Variants in PLCXD1 observed in about 807,000 individuals in gnomAD.
PLCXD1 encodes the protein PI-PLC X domain-containing protein 1.
PLCXD1 carries 45 observed loss-of-function variants against 37.8 expected under a neutral mutation model. The ratio of observed to expected loss-of-function variants is 1.19; its 90% CI spans 0.94 to 1.53. PLCXD1 has a LOEUF of 1.53. Ranked by LOEUF, PLCXD1 falls within the 40% of genes most tolerant of loss-of-function variation. The probability of loss-of-function intolerance (pLI) is 0.00; values close to 1 mark genes in which losing one functional copy is unlikely to be tolerated. For synonymous variants in PLCXD1, 246 were observed against 206.9 expected, an observed-to-expected ratio of 1.19 and a Z score of -1.62; for missense variants, 539 against 454.7, an observed-to-expected ratio of 1.19 and a Z score of -1.69.
At chrX:289,948 CTAA>C (rs1205404280) in intron 3 of PLCXD1, among the ~76,000 whole-genome samples, 3 of 152,128 alleles carry the variant, frequency 2.0e-5, no homozygotes, top group Non-Finnish European at 4.4e-5. Flanking sequence ...CCCTTTCTCC[CTAA>C]TAATCACATT....
intron 3 of PLCXD1, among the ~76,000 whole-genome samples, 157 bp from the exon 4 acceptor site, chrX:290,491 G>T (rs2069595341): frequency 6.6e-6 from 1 of 151,426 alleles, no homozygotes; most frequent in African/African-American, 2.4e-5. Context: ...GGTCCCCGTG[G>T]CTGCAGCGCT....
At chrX:294,942 G>A (rs184320662) in intron 6 of PLCXD1, among the ~76,000 whole-genome samples, 17 of 152,272 alleles carry the variant, frequency 1.1e-4, no homozygotes, top group East Asian at 9.7e-4. Context: ...TTGGGAGGCC[G>A]AGGCAGGTGG....
At position 299,325 on chromosome X, in the gene PLCXD1, T is replaced by C; in HGVS notation, c.962T>C (p.Leu321Pro). The C allele has an allele frequency of 6.2e-7, 1 of 1,612,086 alleles. No homozygotes were observed. The highest frequency in any genetic ancestry group is 8.5e-7 in the Non-Finnish European group (1 of 1,178,214). Residue 321 changes from leucine (L) to proline (P), a missense_variant, in exon 7 of 7, where the codon CTG becomes CCG. Coordinates refer to ENST00000381657, the MANE Select transcript of PLCXD1 (RefSeq NM_018390.4). ...GTCATCGCGCTCAATCAGAAGCTGC[T>C]GTGGTGCTGACGGGACCCTTCTGAA... ...SDVIALNQKL[L>P]WC is the part of the protein sequence containing the mutation.
intron 1 of PLCXD1, among the ~76,000 whole-genome samples, chrX:282,933 G>GTTATATATATA (rs1262888610): frequency 9.7e-4 from 115 of 119,006 alleles, no homozygotes; most frequent in Non-Finnish European, 1.6e-3. Flanking sequence ...ATACATGTAT[G>GTTATATATATA]TTATATATAT....
intron 6 of PLCXD1, among the ~76,000 whole-genome samples, chrX:295,430 G>C (rs1026617900): frequency 1.1e-4 from 16 of 152,142 alleles, no homozygotes; most frequent in African/African-American, 3.9e-4. Flanking sequence ...CACAGGGGCA[G>C]CATGAAACCC....
At chrX:284,543 C>G (rs1248399358) in intron 2 of PLCXD1, among the ~76,000 whole-genome samples, 1 of 151,960 alleles carries the variant, frequency 6.6e-6, no homozygotes, top group Admixed American at 6.6e-5. Flanking sequence ...CATGCATACA[C>G]ACAGGCATGC....
At chrX:283,019 ATG>A (rs1017898829) in intron 1 of PLCXD1, 1 of 146,426 alleles carries the variant, frequency 6.8e-6, no homozygotes, top group Non-Finnish European at 1.5e-5. Context: ...TGTTATATAT[ATG>A]TTATGTATAT....
chrX:300,335 C>A lies in PLCXD1; in HGVS notation c.*1000C>A, dbSNP rs1485533947. ...GCCGGCCTCCCCTGTCAGCCAACCC[C>A]TCAGCTAGTTCTCACACCAAGCCTA... On this transcript the variant is annotated 3_prime_UTR_variant, in exon 7 of 7. Coordinates refer to ENST00000381657, the MANE Select transcript of PLCXD1 (RefSeq NM_018390.4). 6.6e-6 allele frequency: 1 copy of A among 152,130 alleles called. No homozygotes were observed. The allele number at this position is 152,130 out of a possible 1,614,324, so 9.4% of individuals were successfully genotyped here. A position where few individuals can be genotyped will look rare whatever the true frequency, so the allele number is the denominator to read the frequency against.
At position 302,896 on chromosome X, in the gene PLCXD1, G is replaced by C. The variant is rs1027892613; in HGVS notation, c.*3561G>C. On this transcript the variant is annotated 3_prime_UTR_variant, in exon 7 of 7. Transcript: ENST00000381657. ...GCCTATACCTCATTTTCTACATGTC[G>C]CTTGTTGGAGCTGCTGGTTCAAGTT... 8 of 152,202 alleles carry C rather than the reference G, an allele frequency of 5.3e-5. No homozygotes were observed. Among genetic ancestry groups the C allele is most frequent in the African/African-American group, 1.9e-4 (8 of 41,540 alleles). 9.4% of individuals were successfully genotyped at this position (152,202 alleles called of 1,614,324 possible). A position where few individuals can be genotyped will look rare whatever the true frequency, so the allele number is the denominator to read the frequency against.
chrX:281,338 G>A, upstream of PLCXD1: 1 of 157,608 alleles, frequency 6.3e-6, no homozygotes, highest in East Asian at 1.9e-4. Flanking sequence ...CCTGGGCCCA[G>A]CAGGCTCCCG....
chrX:296,785 C>T (rs2069822657), intron 6 of PLCXD1, among the ~76,000 whole-genome samples: 1 of 152,200 alleles, frequency 6.6e-6, no homozygotes, highest in African/African-American at 2.4e-5. Context: ...ATTCTGTCTC[C>T]CACATGGGAT....
intron 3 of PLCXD1, among the ~76,000 whole-genome samples, chrX:290,136 T>A (rs1243832391): frequency 6.6e-6 from 1 of 152,034 alleles, no homozygotes; most frequent in Non-Finnish European, 1.5e-5. Flanking sequence ...TTTTTAAAAT[T>A]TTTAGTAGAG....
Position 290,771 on chromosome X carries a change from G to T in PLCXD1, c.388G>T (p.Val130Leu), listed in dbSNP as rs1451010409. 2 of 1,613,196 alleles carry T rather than the reference G, an allele frequency of 1.2e-6. No individual in the cohort carries two copies. The highest frequency in any genetic ancestry group is 2.7e-5 in the African/African-American group (2 of 74,884). The change falls in exon 4 of 7, where the codon GTG becomes TTG. Residue 130 changes from valine (V) to leucine (L), a missense_variant. By Grantham distance (32) the Val-to-Leu change is conservative (BLOSUM62 1). Coordinates refer to ENST00000381657, the MANE Select transcript of PLCXD1 (RefSeq NM_018390.4). The stretch of plus-strand genomic sequence containing the variant: ...CCATATGGTGTACACAACGGCGCTG[G>T]TGGAGGTGCGGCCGGGCTGAGGTGG... ...FVHMVYTTAL[V>L]EDTLTEISEW...
At chrX:290,062 A>T in intron 3 of PLCXD1, among the ~76,000 whole-genome samples, 1 of 151,922 alleles carries the variant, frequency 6.6e-6, no homozygotes, top group South Asian at 2.1e-4. Context: ...GGATCAAAGG[A>T]TCCTCCTTCC....
rs750282855 is a variant in PLCXD1 at position 292,191 on chromosome X, C to G, written c.549+537C>G. 6.6e-5 allele frequency among the ~76,000 whole-genome samples: 10 copies of G among 151,922 alleles called. No homozygotes were observed. In the South Asian group the frequency reaches 1.0e-3, roughly 16 times the overall value. On this transcript the variant is annotated intron_variant, in intron 5 of 6. Transcript: ENST00000381657. The stretch of plus-strand genomic sequence containing the variant: ...GGTGGGTGTGCCGGACGCAGTGGCT[C>G]ACACCTGTCATCCCAGGACTTTGGG...
At chrX:279,668 G>A (rs185906521), upstream of PLCXD1, among the ~76,000 whole-genome samples, 842 of 152,062 alleles carry the variant, frequency 5.5e-3, 6 homozygotes, top group African/African-American at 0.02. Flanking sequence ...CAGCTGTGCT[G>A]GAGGCTGAGG....
intron 5 of PLCXD1, 130 bp downstream of exon 5, chrX:291,784 G>T: frequency 5.9e-6 from 6 of 1,023,948 alleles, no homozygotes; most frequent in Non-Finnish European, 9.1e-6. Context: ...TCGAACGGGG[G>T]CTGCCTGCTC....
chrX:290,347 A>C (rs182696386), intron 3 of PLCXD1, among the ~76,000 whole-genome samples: 1 of 151,380 alleles, frequency 6.6e-6, no homozygotes, highest in Non-Finnish European at 1.5e-5. Context: ...GGAGAACGGC[A>C]TGAACCCGGG....
intron 2 of PLCXD1, among the ~76,000 whole-genome samples, chrX:284,949 G>T (rs544699424): frequency 2.7e-4 from 41 of 152,200 alleles, no homozygotes; most frequent in African/African-American, 7.2e-4. Context: ...GGAAAGACCC[G>T]CCCCGTGATT....
Sources: gnomAD v4.1 joint callset for allele counts (sites outside exome capture counted in the v4.1 genomes callset) on GRCh38, gnomAD v4.1.1 for gene constraint, MANE v1.5 for transcripts, NCBI Gene and HGNC (gene_info 2026-07-23, HGNC 2026-07-21) for gene names.